Variants in PCDHA5 observed in about 807,000 individuals in gnomAD.
PCDHA5 encodes protocadherin alpha-5.
PCDHA5 carries 43 observed loss-of-function variants against 61.6 expected under a neutral mutation model. The ratio of observed to expected loss-of-function variants is 0.70; its 90% CI spans 0.55 to 0.90. The LOEUF (loss-of-function observed/expected upper bound fraction) is 0.90. Ranked by LOEUF, PCDHA5 falls within the 40% of genes least tolerant of loss-of-function variation. The pLI, the probability that PCDHA5 is intolerant of heterozygous loss-of-function variation, is 0.00. For missense variants in PCDHA5, 1,298 were observed against 1,222.7 expected (o/e 1.06, Z -0.92); for synonymous variants, 627 against 543.9 (o/e 1.15, Z -2.13).
intron 1 of PCDHA5, among the ~76,000 whole-genome samples, chr5:140,898,053 A>C (rs1444652933): frequency 1.3e-5 from 2 of 151,746 alleles, no homozygotes; most frequent in Admixed American, 1.3e-4. Context: ...TTTTTCTTGT[A>C]AATTTGTTTG....
chr5:140,888,421 G>T (rs1046155514), intron 1 of PCDHA5, among the ~76,000 whole-genome samples: 9 of 152,144 alleles, frequency 5.9e-5, no homozygotes. Context: ...ACATCCTACC[G>T]TGCACAGGAC....
chr5:140,873,657 C>T (rs1270824058), intron 1 of PCDHA5, among the ~76,000 whole-genome samples: 1 of 152,206 alleles, frequency 6.6e-6, no homozygotes, highest in Non-Finnish European at 1.5e-5. Flanking sequence ...ACATAACACA[C>T]TATTATTATT....
intron 1 of PCDHA5, chr5:140,867,368 C>A (rs1036514483): frequency 6.6e-6 from 1 of 151,940 alleles, no homozygotes; most frequent in African/African-American, 2.4e-5. Context: ...TTTACAGATG[C>A]GTAATGGAAT....
At chr5:140,869,884 G>T in intron 1 of PCDHA5, 1 of 1,610,394 alleles carries the variant, frequency 6.2e-7, no homozygotes, top group Non-Finnish European at 8.5e-7. Flanking sequence ...AGAAACTCTT[G>T]TGCTCAAACT....
rs1192549493 is a variant in PCDHA5, at chr5:140,824,420, T to A, written c.2352+293T>A. ...AATAATTGTAAGACATAGTTTGGAG[T>A]CATTCTCAAAGTTTCAGTTTATGAC... On this transcript the variant is annotated intron_variant, in intron 1 of 3. Transcript: ENST00000529859. The A allele has an allele frequency of 2.3e-5, 12 of 510,878 alleles. No individual in the cohort carries two copies. The South Asian group carries it at 3.4e-4, about 14-fold the overall frequency. The allele number at this position is 510,878 out of a possible 1,614,324, so 31.6% of individuals were successfully genotyped here.
chr5:140,980,824 A>G (rs2096907010), intron 2 of PCDHA5, among the ~76,000 whole-genome samples: 1 of 152,192 alleles, frequency 6.6e-6, no homozygotes, highest in Non-Finnish European at 1.5e-5. Flanking sequence ...ATATTAAATG[A>G]GTTGTGAACC....
intron 1 of PCDHA5, chr5:140,856,390 G>C: frequency 6.3e-7 from 1 of 1,598,554 alleles, no homozygotes; most frequent in South Asian, 1.1e-5. Flanking sequence ...GGCCGCTGCA[G>C]GTTTTCCATG....
chr5:140,850,570 C>T (rs2041682999), intron 1 of PCDHA5: 2 of 1,598,372 alleles, frequency 1.3e-6, no homozygotes, highest in Non-Finnish European at 8.6e-7. Context: ...CCCGAGGTGA[C>T]GCTGGTGGAT....
At chr5:140,988,877 G>A (rs372950279) in intron 3 of PCDHA5, 8 of 152,310 alleles carry the variant, frequency 5.3e-5, no homozygotes, top group East Asian at 3.9e-4. Context: ...TCAGATGTAC[G>A]ATCCTGGATA....
intron 1 of PCDHA5, chr5:140,871,313 C>A (rs371295919): frequency 1.4e-5 from 23 of 1,613,924 alleles, no homozygotes; most frequent in African/African-American, 9.3e-5. Context: ...GGGAAGCCCA[C>A]GCTGGTGTGC....
chr5:140,985,675 T>C (rs1477813786), intron 3 of PCDHA5, among the ~76,000 whole-genome samples: 1 of 151,998 alleles, frequency 6.6e-6, no homozygotes, highest in Non-Finnish European at 1.5e-5. Context: ...AAGTGGGGCC[T>C]GCCTTACGCT....
At chr5:140,941,409 C>G (rs1284702446) in intron 1 of PCDHA5, among the ~76,000 whole-genome samples, 1 of 149,924 alleles carries the variant, frequency 6.7e-6, no homozygotes, top group Non-Finnish European at 1.5e-5. Flanking sequence ...CTCCGCCTCC[C>G]GGGTTCAAGC....
chr5:140,869,501 T>A (rs200485559), intron 1 of PCDHA5: 1 of 1,614,192 alleles, frequency 6.2e-7, no homozygotes, highest in Admixed American at 1.7e-5. Flanking sequence ...CCGCCGGTGT[T>A]CTCGCTCAGA....
chr5:140,950,022 A>G (rs1355491628), intron 1 of PCDHA5, among the ~76,000 whole-genome samples: 1 of 151,918 alleles, frequency 6.6e-6, no homozygotes, highest in Non-Finnish European at 1.5e-5. Flanking sequence ...CCTTCATAAA[A>G]TATAGAAAAG....
intron 1 of PCDHA5, chr5:140,842,566 C>T (rs2150339391): frequency 1.0e-5 from 15 of 1,503,446 alleles, no homozygotes; most frequent in Non-Finnish European, 1.4e-5. Flanking sequence ...CCCTGGACCG[C>T]GAGAGAGTGT....
intron 1 of PCDHA5, chr5:140,882,108 A>G: frequency 7.3e-7 from 1 of 1,370,912 alleles, no homozygotes; most frequent in Non-Finnish European, 9.8e-7. Flanking sequence ...TCCGCGAAGA[A>G]AGCCGCCGTT....
Position 140,858,234 on chromosome 5 carries a change from C to T in PCDHA5, c.2352+34107C>T, listed in dbSNP as rs782153266. 3 of 1,596,216 alleles carry T rather than the reference C, an allele frequency of 1.9e-6. No homozygotes were observed. The highest frequency in any genetic ancestry group is 3.4e-5 in the Admixed American group (2 of 59,220). ...TGCTCGGCGGCGCCCACCGAGGGCGCATGTGGGCCGGTGAAGCCCACGCTG... is the reference window on the plus strand; with the variant it reads ...TGCTCGGCGGCGCCCACCGAGGGCGTATGTGGGCCGGTGAAGCCCACGCTG... On this transcript the variant is annotated intron_variant, in intron 1 of 3. Coordinates refer to ENST00000529859, the MANE Select transcript of PCDHA5 (RefSeq NM_018908.3).
intron 1 of PCDHA5, among the ~76,000 whole-genome samples, chr5:140,845,317 T>C (rs1779816111): frequency 6.7e-6 from 1 of 149,682 alleles, no homozygotes; most frequent in Non-Finnish European, 1.5e-5. Context: ...TCTCAGGTAT[T>C]ACTTTAATTA....
intron 1 of PCDHA5, among the ~76,000 whole-genome samples, chr5:140,935,464 G>A (rs2090388076): frequency 6.6e-6 from 1 of 152,146 alleles, no homozygotes; most frequent in Admixed American, 6.5e-5. Context: ...AGCAGTTTAA[G>A]TTTTTGTCAT....
Sources: allele counts gnomAD v4.1 joint callset (sites outside exome capture counted in the v4.1 genomes callset), GRCh38; gene constraint gnomAD v4.1.1; transcripts MANE v1.5; gene names NCBI Gene and HGNC (gene_info 2026-07-23, HGNC 2026-07-21).